Variants in MCM9 observed in about 807,000 individuals in gnomAD.
MCM9 encodes the protein minichromosome maintenance 9 homologous recombination repair factor.
Under a neutral mutation model 72.8 loss-of-function variants are expected in MCM9, and 55 were observed. The observed-to-expected ratio is 0.76, with a 90% confidence interval of 0.61 to 0.95. The LOEUF is 0.95. Among genes scored for constraint, MCM9 ranks in the 40% least tolerant of loss-of-function variants. The pLI is 0.00. For synonymous variants in MCM9, 480 were observed against 503.4 expected (o/e 0.95, Z 0.62); for missense variants, 1,279 against 1,377.0 (o/e 0.93, Z 1.13).
intron 8 of MCM9, among the ~76,000 whole-genome samples, chr6:118,886,140 T>TA (rs1286406693): frequency 6.6e-6 from 1 of 150,612 alleles, no homozygotes; most frequent in Non-Finnish European, 1.5e-5. Context: ...CCTTTCATGA[T>TA]AAAAACATTC....
chr6:118,850,784 A>G (rs1005750360), intron 9 of MCM9, among the ~76,000 whole-genome samples: 2 of 151,732 alleles, frequency 1.3e-5, no homozygotes, highest in African/African-American at 4.9e-5. Context: ...ATAATCCAAG[A>G]CAGAAGAGAC....
chr6:118,828,280 A>C (rs1418334728), intron 10 of MCM9, 150 bp from the exon 11 acceptor site: 1 of 640,302 alleles, frequency 1.6e-6, no homozygotes, highest in East Asian at 2.7e-5. Flanking sequence ...CATAGCATAC[A>C]ATCAGCATCT....
Position 118,911,636 on chromosome 6 carries a change from G to T in MCM9, c.1150+14C>A. On this transcript the variant is annotated intron_variant, in intron 8 of 13. Coordinates refer to ENST00000619706, the MANE Select transcript of MCM9 (RefSeq NM_017696.3). ...AAGTAATGTTAAATTACTTGAAATTGTCACATACAATACCTGCACTAGTAG... is the reference window on the plus strand; with the variant it reads ...AAGTAATGTTAAATTACTTGAAATTTTCACATACAATACCTGCACTAGTAG... The T allele has an allele frequency of 6.3e-7, 1 of 1,599,280 alleles. No individual in the cohort carries two copies. The highest frequency in any genetic ancestry group is 8.5e-7 in the Non-Finnish European group (1 of 1,172,558).
rs778828006 is a variant in MCM9 at position 118,816,103 on chromosome 6, G to A, written c.2153C>T (p.Pro718Leu). Residue 718 changes from proline (P) to leucine (L), a missense_variant, in exon 14 of 14, where the codon CCG (proline) becomes CTG (leucine). By Grantham distance (98) the Pro-to-Leu change is moderately conservative. Coordinates refer to ENST00000619706, the MANE Select transcript of MCM9 (RefSeq NM_017696.3). ...PEGSPVLDPP[P>L]HLEPNRSTSR... The stretch of plus-strand genomic sequence containing the variant: ...TGTTGATCTATTAGGCTCCAGATGC[G>A]GTGGGGGATCTAGAACTGGGCTTCC... The A allele has an allele frequency of 3.9e-5, 61 of 1,550,128 alleles. No individual in the cohort carries two copies. The highest frequency in any genetic ancestry group is 1.7e-4 in the Middle Eastern group (1 of 6,006).
chr6:118,871,142 C>A (rs1040883901), intron 8 of MCM9, among the ~76,000 whole-genome samples: 1 of 151,940 alleles, frequency 6.6e-6, no homozygotes, highest in African/African-American at 2.4e-5. Flanking sequence ...AAAGACACTA[C>A]AAAAAAAATT....
chr6:118,898,285 T>C (rs577223692), intron 8 of MCM9, among the ~76,000 whole-genome samples: 68 of 152,326 alleles, frequency 4.5e-4, no homozygotes, highest in African/African-American at 1.6e-3. Context: ...GTAGGTATTT[T>C]CTAAAATAGG....
intron 9 of MCM9, among the ~76,000 whole-genome samples, chr6:118,853,173 A>T (rs978649724): frequency 2.0e-5 from 3 of 151,600 alleles, no homozygotes; most frequent in Non-Finnish European, 4.4e-5. Context: ...TAGCACAATT[A>T]AAAAAAAACT....
chr6:118,916,305 A>G (rs1296659581), intron 6 of MCM9, among the ~76,000 whole-genome samples: 1 of 151,172 alleles, frequency 6.6e-6, no homozygotes, highest in Non-Finnish European at 1.5e-5. Flanking sequence ...GCTTCTTTCA[A>G]TACAGATCAG....
At chr6:118,837,630 C>G (rs1775055330) in intron 9 of MCM9, among the ~76,000 whole-genome samples, 1 of 152,114 alleles carries the variant, frequency 6.6e-6, no homozygotes, top group African/African-American at 2.4e-5. Flanking sequence ...TAGTACCCTT[C>G]TTTGCCTTTT....
chr6:118,886,002 T>G (rs1201068101), intron 8 of MCM9, among the ~76,000 whole-genome samples: 2 of 151,970 alleles, frequency 1.3e-5, no homozygotes, highest in African/African-American at 4.8e-5. Flanking sequence ...CAAGGTTCAT[T>G]TAACACCTGA....
At chr6:118,827,583 A>C (rs935404788) in intron 11 of MCM9, among the ~76,000 whole-genome samples, 1 of 152,188 alleles carries the variant, frequency 6.6e-6, no homozygotes, top group Admixed American at 6.5e-5. Flanking sequence ...TATGGGAAAC[A>C]ATTCCAAACA....
Position 118,815,238 on chromosome 6 carries a change from C to G in MCM9, c.3018G>C (p.Lys1006Asn). 1.3e-6 allele frequency: 2 copies of G among 1,550,678 alleles called. No individual in the cohort carries two copies. The highest frequency in any genetic ancestry group is 1.4e-5 in the African/African-American group (1 of 73,142). The change falls in exon 14 of 14, where the codon AAG (lysine) becomes AAC (asparagine). Residue 1006 changes from lysine (K) to asparagine (N), a missense_variant. Lys to Asn is a moderately conservative substitution (Grantham distance 94). Transcript: ENST00000619706. ...TCCTCTTCTCAGGGGCACACATCAC[C>G]TTCTCTCTTGGTCCGTGTTTCTCTG... is the stretch of plus-strand genomic sequence containing the variant. ...QPPEKHGPREKVMCAPEKRII... is the reference protein window; with the variant it reads ...QPPEKHGPRENVMCAPEKRII...
At chr6:118,873,876 A>C (rs1004537485) in intron 8 of MCM9, among the ~76,000 whole-genome samples, 1 of 152,248 alleles carries the variant, frequency 6.6e-6, no homozygotes, top group Non-Finnish European at 1.5e-5. Context: ...CTTTAACAAA[A>C]TATTAGTAAA....
intron 5 of MCM9, chr6:118,919,807 A>C (rs1781287702): frequency 6.6e-6 from 1 of 152,208 alleles, no homozygotes; most frequent in Non-Finnish European, 1.5e-5. Context: ...TGCCAGTCAG[A>C]CCCATCTCTC....
intron 8 of MCM9, among the ~76,000 whole-genome samples, chr6:118,871,147 A>G (rs1176894793): frequency 1.3e-5 from 2 of 152,230 alleles, no homozygotes; most frequent in Non-Finnish European, 2.9e-5. Context: ...CACTACAAAA[A>G]AAATTTACAG....
intron 3 of MCM9, among the ~76,000 whole-genome samples, chr6:118,930,141 C>T (rs547195703): frequency 3.9e-4 from 59 of 151,850 alleles, no homozygotes; most frequent in African/African-American, 1.3e-3. Flanking sequence ...GACGGAGTCT[C>T]GCTCTGTTGC....
chr6:118,849,757 G>A (rs982017801), intron 9 of MCM9, among the ~76,000 whole-genome samples: 2 of 151,766 alleles, frequency 1.3e-5, no homozygotes, highest in East Asian at 1.9e-4. Context: ...ACATATAATC[G>A]TCTATGGGAT....
rs1475217457 is a variant in MCM9 at position 118,815,569 on chromosome 6, G to A, written c.2687C>T (p.Pro896Leu). ...RMLDSPKRKRPKSLAQVEEPA... is the reference protein window; with the variant it reads ...RMLDSPKRKRLKSLAQVEEPA... ...CTCTTCCACTTGCGCAAGGGATTTC[G>A]GTCTCTTTCTTTTGGGTGAGTCCAG... Residue 896 changes from proline to leucine, a missense_variant, in exon 14 of 14, where the codon CCG becomes CTG. By Grantham distance (98) the Pro-to-Leu change is moderately conservative. Transcript: ENST00000619706. 1.1e-5 allele frequency: 17 copies of A among 1,550,194 alleles called. No individual in the cohort carries two copies. Among genetic ancestry groups the A allele is most frequent in the African/African-American group, 4.1e-5 (3 of 72,990 alleles).
In MCM9 at chr6:118,930,103, A is replaced by AT. The variant is rs4027511; in HGVS notation, c.304+1316dup. 8.7e-4 allele frequency among the ~76,000 whole-genome samples: 127 copies of AT among 145,798 alleles called. 1 individual carries two copies. Among genetic ancestry groups the AT allele is most frequent in the African/African-American group, 2.0e-3 (81 of 39,668 alleles). ...AAGGTAAATATTTATTTATTTATTTATTTATTTTATTTTATTTTATTTTTT... is the reference window on the plus strand; with the variant it reads ...AAGGTAAATATTTATTTATTTATTTATTTTATTTTATTTTATTTTATTTTTT... On this transcript the variant is annotated intron_variant, in intron 3 of 13. Transcript: ENST00000619706.
Sources: allele counts gnomAD v4.1 joint callset (sites outside exome capture counted in the v4.1 genomes callset), GRCh38; gene constraint gnomAD v4.1.1; transcripts MANE v1.5; gene names NCBI Gene and HGNC (gene_info 2026-07-23, HGNC 2026-07-21).